TENM1: variants seen among roughly 807,000 people sequenced by gnomAD.
TENM1 encodes teneurin transmembrane protein 1.
In TENM1, 35 loss-of-function variants were observed where a neutral mutation model predicts 174.8. The ratio of observed to expected loss-of-function variants is 0.20; its 90% CI spans 0.15 to 0.27. The LOEUF is 0.27. TENM1 is among the 10% of genes least tolerant of loss of function. The pLI is 1.00. For missense variants in TENM1, 1,633 were observed against 2,130.1 expected (o/e 0.77, Z 4.59); for synonymous variants, 781 against 798.7 (o/e 0.98, Z 0.37).
the TENM1 span, among the ~76,000 whole-genome samples, chrX:125,002,363 G>A: frequency 7.2e-5 from 8 of 111,382 alleles, no homozygotes; most frequent in Non-Finnish European, 1.3e-4. Context: ...TCCAAACTCG[G>A]TAAATTTCTT....
chrX:124,610,093 A>C (rs973930377), intron 11 of TENM1, among the ~76,000 whole-genome samples: 2 of 111,984 alleles, frequency 1.8e-5, no homozygotes, highest in African/African-American at 6.5e-5. Context: ...CTAGGTTGAC[A>C]TAGGCACAAA....
At chrX:124,753,881 T>G (rs2148586337) in intron 3 of TENM1, among the ~76,000 whole-genome samples, 1 of 111,767 alleles carries the variant, frequency 8.9e-6, no homozygotes, top group East Asian at 2.8e-4. Flanking sequence ...TGCTGCTGGA[T>G]TCAATTTGCC....
intron 3 of TENM1, among the ~76,000 whole-genome samples, chrX:124,884,806 C>T (rs772119136): frequency 7.6e-4 from 85 of 111,940 alleles, no homozygotes; most frequent in Middle Eastern, 4.6e-3. Flanking sequence ...AAACAACATA[C>T]AGTCATGCAT....
rs986421157 is a variant in TENM1, at chrX:124,420,182, A to G, written c.4982+129T>C. On this transcript the variant is annotated intron_variant, in intron 25 of 31. Transcript: ENST00000422452. ...GGTAAAATTTTCTCCTTGACTTTTC[A>G]TTTTTTAAAATGGTGGTTGTTAGGA... The G allele has an allele frequency of 1.2e-5, 10 of 835,563 alleles. No homozygotes were observed. In the African/African-American group the frequency reaches 1.7e-4, roughly 14 times the overall value. 68.9% of individuals were successfully genotyped at this position (835,563 alleles called of 1,213,427 possible).
chrX:125,000,254 G>A, the TENM1 span, among the ~76,000 whole-genome samples: 1 of 111,562 alleles, frequency 9.0e-6, no homozygotes, highest in African/African-American at 3.3e-5. Context: ...TTACAAGTAA[G>A]CTACAAAAAG....
intron 3 of TENM1, among the ~76,000 whole-genome samples, chrX:124,823,947 TTAACA>T (rs1160791271): frequency 1.8e-5 from 2 of 111,616 alleles, no homozygotes; most frequent in Non-Finnish European, 3.8e-5. Context: ...TTTTTTCCAC[TTAACA>T]TATCATGAAA....
chrX:125,086,462 A>G, the TENM1 span, among the ~76,000 whole-genome samples: 1 of 111,246 alleles, frequency 9.0e-6, no homozygotes, highest in Non-Finnish European at 1.9e-5. Context: ...AACATGGTGT[A>G]TGTCTCCATT....
At chrX:124,781,590 A>G (rs1468195129) in intron 3 of TENM1, among the ~76,000 whole-genome samples, 2 of 111,674 alleles carry the variant, frequency 1.8e-5, no homozygotes, top group Non-Finnish European at 3.8e-5. Context: ...TTATCATGAT[A>G]TAGAGTAATC....
chrX:125,176,813 G>A, the TENM1 span, among the ~76,000 whole-genome samples: 10 of 111,294 alleles, frequency 9.0e-5, no homozygotes, highest in South Asian at 1.9e-3. Context: ...TTCTCCCTCC[G>A]CCTTTTCAAA....
At chrX:125,161,707 A>G in the TENM1 span, among the ~76,000 whole-genome samples, 2,103 of 112,200 alleles carry the variant, frequency 0.019, 53 homozygotes, top group African/African-American at 0.065. Flanking sequence ...TCTAAATTTG[A>G]CTTTGGTGAT....
At chrX:125,122,001 G>C in the TENM1 span, among the ~76,000 whole-genome samples, 1 of 112,243 alleles carries the variant, frequency 8.9e-6, no homozygotes, top group Non-Finnish European at 1.9e-5. Flanking sequence ...TTGAGCCCAG[G>C]AGTTTGAGGC....
intron 3 of TENM1, among the ~76,000 whole-genome samples, chrX:124,790,042 G>A (rs1469402879): frequency 8.9e-6 from 1 of 111,905 alleles, no homozygotes; most frequent in East Asian, 2.8e-4. Context: ...AGAAGGCAAG[G>A]AGGAGCAAGT....
chrX:124,994,503 T>G, the TENM1 span, among the ~76,000 whole-genome samples: 5 of 110,413 alleles, frequency 4.5e-5, no homozygotes, highest in African/African-American at 1.6e-4. Flanking sequence ...AAACTCAACA[T>G]ATCTGATAAA....
chrX:124,386,048 A>T (rs964209384), exon 29 of TENM1: 1 of 1,195,539 alleles, frequency 8.4e-7, no homozygotes, highest in Non-Finnish European at 1.1e-6. Flanking sequence ...CTGGCTGTGT[A>T]GGAGAAGCAT....
chrX:125,109,373 C>A, the TENM1 span, among the ~76,000 whole-genome samples: 1 of 110,967 alleles, frequency 9.0e-6, no homozygotes, highest in African/African-American at 3.3e-5. Context: ...TTTTTTTAAT[C>A]AACTTTTATT....
chrX:124,981,084 A>C, the TENM1 span, among the ~76,000 whole-genome samples: 2 of 111,693 alleles, frequency 1.8e-5, no homozygotes, highest in African/African-American at 6.5e-5. Flanking sequence ...ACTTTTTCCA[A>C]TATTGAACTT....
At position 124,905,927 on chromosome X, in the gene TENM1, AACATCC is replaced by A. The variant is rs1285017293; in HGVS notation, c.218-9692_218-9687del. Among the ~76,000 whole-genome samples, 5 of 112,358 alleles carry A rather than the reference AACATCC, an allele frequency of 4.5e-5. No homozygotes were observed. In the East Asian group the frequency reaches 1.1e-3, roughly 25 times the overall value. ...AGGGCTGGAAATAGTCACTGTTTCC[AACATCC>A]ACAGTGGAAAACCTCATAATTCATG... is the stretch of plus-strand genomic sequence containing the variant. On this transcript the variant is annotated intron_variant, in intron 1 of 31. Coordinates refer to ENST00000422452, the Ensembl canonical transcript of TENM1.
chrX:125,074,017 C>A, the TENM1 span, among the ~76,000 whole-genome samples: 2 of 111,955 alleles, frequency 1.8e-5, no homozygotes, highest in African/African-American at 6.5e-5. Context: ...AGATTAAGCA[C>A]TGTAAGGATT....
chrX:124,404,241 G>A (rs1022427682), intron 27 of TENM1, among the ~76,000 whole-genome samples: 2 of 111,499 alleles, frequency 1.8e-5, no homozygotes, highest in African/African-American at 6.5e-5. Flanking sequence ...ATTATTTCCC[G>A]CAGGCTGGCA....
Sources: gnomAD v4.1 joint callset for allele counts (sites outside exome capture counted in the v4.1 genomes callset) on GRCh38, gnomAD v4.1.1 for gene constraint, MANE v1.5 for transcripts, NCBI Gene and HGNC (gene_info 2026-07-23, HGNC 2026-07-21) for gene names.